USP6NL: variants seen among roughly 807,000 people sequenced by gnomAD.
The protein encoded by USP6NL is USP6 N-terminal-like protein.
USP6NL carries 26 observed loss-of-function variants against 61.9 expected under a neutral mutation model. The ratio of observed to expected loss-of-function variants is 0.42; its 90% CI spans 0.31 to 0.58. The LOEUF (loss-of-function observed/expected upper bound fraction) is 0.58, where lower values mean the gene tolerates loss of function less well. Among genes scored for constraint, USP6NL ranks in the 20% least tolerant of loss-of-function variants. USP6NL has a pLI of 0.16. For synonymous variants in USP6NL, 432 were observed against 390.1 expected, an observed-to-expected ratio of 1.11 and a Z score of -1.27; for missense variants, 1,114 against 1,034.3, an observed-to-expected ratio of 1.08 and a Z score of -1.06.
Position 11,561,998 on chromosome 10 carries a change from A to G in USP6NL, c.5-34431T>C, listed in dbSNP as rs547986067. Among the ~76,000 whole-genome samples, 50 of 151,874 alleles carry G rather than the reference A, an allele frequency of 3.3e-4. No homozygotes were observed. The highest frequency in any genetic ancestry group is 3.4e-3 in the Middle Eastern group (1 of 294). On this transcript the variant is annotated intron_variant, in intron 2 of 14. Coordinates refer to ENST00000609104, the MANE Select transcript of USP6NL (RefSeq NM_014688.5). The surrounding 1 kb of genome is among the most constrained non-coding windows in gnomAD (Gnocchi z 4.1). ...CTTTTTAAGCAAGGATGTTCTGAGT[A>G]AAAAAAAGAAATTTGCTCATGCCTG...
At chr10:11,483,574 GAGAGGAAGAGA>G (rs1833308053) in intron 13 of USP6NL, among the ~76,000 whole-genome samples, 1 of 48,488 alleles carries the variant, frequency 2.1e-5, no homozygotes, top group Non-Finnish European at 4.2e-5. Flanking sequence ...GAGGCAGGGA[GAGAGGAAGAGA>G]GGGAGAGAGG....
In USP6NL at chr10:11,548,467, T is replaced by A; in HGVS notation, c.5-20900A>T. ...ACAGAGCTTGACATTTTATTATTTT[T>A]AATTAACTCATTTTCCATTTTGGTC... On this transcript the variant is annotated intron_variant, in intron 2 of 14. Transcript: ENST00000609104. This position sits in a 1 kb window ranked among gnomAD's most constrained non-coding sequence, Gnocchi z 4.3. Among the ~76,000 whole-genome samples the A allele has an allele frequency of 6.6e-6, 1 of 152,328 alleles. No individual in the cohort carries two copies. Among genetic ancestry groups the A allele is most frequent in the Non-Finnish European group, 1.5e-5 (1 of 68,030 alleles).
Position 11,463,886 on chromosome 10 carries a change from C to A in USP6NL, c.1079-37G>T, listed in dbSNP as rs770676205. Reference sequence around the variant, plus strand: ...GAGAAAGGCTAAGTAAGATAATACACGAGTAAACAGTAGCCAGTTGAAGCA... The same window carrying A: ...GAGAAAGGCTAAGTAAGATAATACAAGAGTAAACAGTAGCCAGTTGAAGCA... On this transcript the variant is annotated intron_variant, in intron 14 of 14. Transcript: ENST00000609104. The surrounding 1 kb of genome is among the most constrained non-coding windows in gnomAD (Gnocchi z 6.3). 5 of 1,450,988 alleles carry A rather than the reference C, an allele frequency of 3.4e-6. No homozygotes were observed. In the East Asian group the frequency reaches 1.0e-4, roughly 29 times the overall value. The allele number at this position is 1,450,988 out of a possible 1,614,324, so 89.9% of individuals were successfully genotyped here.
Position 11,579,595 on chromosome 10 carries a change from T to C in USP6NL, c.4+18036A>G, listed in dbSNP as rs72777670. Among the ~76,000 whole-genome samples the C allele has an allele frequency of 3.0e-3, 453 of 152,296 alleles. 1 individual carries two copies. The highest frequency in any genetic ancestry group is 3.7e-3 in the Non-Finnish European group (253 of 68,028). ...GATTTTCAAGACCTAATTTTTGTTATCTCCTTAAAGAGGTCTTCCCAATCT... is the reference window on the plus strand; with the variant it reads ...GATTTTCAAGACCTAATTTTTGTTACCTCCTTAAAGAGGTCTTCCCAATCT... On this transcript the variant is annotated intron_variant, in intron 2 of 14. Transcript: ENST00000609104.
rs1219074226 is a variant in USP6NL at position 11,468,459 on chromosome 10, T to C, written c.1079-4610A>G. Among the ~76,000 whole-genome samples, 1 of 152,226 alleles carries C rather than the reference T, an allele frequency of 6.6e-6. No individual in the cohort carries two copies. On this transcript the variant is annotated intron_variant, in intron 14 of 14. Transcript: ENST00000609104. This position sits in a 1 kb window ranked among gnomAD's most constrained non-coding sequence, Gnocchi z 4.5. ...TGGAAGCGAAACACTACTGGACTAC[T>C]GCCTACACCCCTCACTCAGAGGAGT...
At chr10:11,509,989 T>A (rs1043283088) in intron 5 of USP6NL, among the ~76,000 whole-genome samples, 1 of 151,960 alleles carries the variant, frequency 6.6e-6, no homozygotes, top group Non-Finnish European at 1.5e-5. Flanking sequence ...TGAAATATTT[T>A]ACAAAGCAAC....
intron 6 of USP6NL, among the ~76,000 whole-genome samples, chr10:11,507,782 T>C (rs188586665): frequency 2.6e-5 from 4 of 152,334 alleles, no homozygotes; most frequent in Admixed American, 2.6e-4. Context: ...ACTAAACGCC[T>C]GGCACTATTC....
Position 11,568,885 on chromosome 10 carries a change from G to T in USP6NL, c.4+28746C>A, listed in dbSNP as rs150000743. Among the ~76,000 whole-genome samples the T allele has an allele frequency of 3.6e-4, 55 of 152,286 alleles. No homozygotes were observed. The South Asian group carries it at 0.011, about 31-fold the overall frequency. ...AAACCTTTCCAGAAATCCTCAGCAG[G>T]CTTTTGCTTACATCTTAAGAAAGAG... On this transcript the variant is annotated intron_variant, in intron 2 of 14. Transcript: ENST00000609104.
At chr10:11,473,281 T>C (rs1235976486) in intron 14 of USP6NL, among the ~76,000 whole-genome samples, 1 of 152,206 alleles carries the variant, frequency 6.6e-6, no homozygotes, top group Non-Finnish European at 1.5e-5. Flanking sequence ...TATTAGGTGC[T>C]GGTGAGGCAG....
intron 3 of USP6NL, among the ~76,000 whole-genome samples, chr10:11,526,860 CATAAGG>C (rs959224360): frequency 9.2e-5 from 14 of 152,038 alleles, no homozygotes; most frequent in African/African-American, 3.4e-4. Context: ...TCCATACCAA[CATAAGG>C]ATAAAACGTT....
rs1385455970 is a variant in USP6NL at position 11,511,691 on chromosome 10, T to C, written c.196-2016A>G. On this transcript the variant is annotated intron_variant, in intron 5 of 14. Transcript: ENST00000609104. The surrounding 1 kb of genome is among the most constrained non-coding windows in gnomAD (Gnocchi z 4.9). Reference sequence around the variant, plus strand: ...CACTTTTGAATTCTAATGCTTATCATATATACAGATTATTTTAAATGCTAT... The same window carrying C: ...CACTTTTGAATTCTAATGCTTATCACATATACAGATTATTTTAAATGCTAT... Among the ~76,000 whole-genome samples the C allele has an allele frequency of 6.6e-6, 1 of 152,128 alleles. No homozygotes were observed. The highest frequency in any genetic ancestry group is 1.5e-5 in the Non-Finnish European group (1 of 68,014).
At position 11,561,420 on chromosome 10, in the gene USP6NL, C is replaced by T. The variant is rs1302736138; in HGVS notation, c.5-33853G>A. Among the ~76,000 whole-genome samples the T allele has an allele frequency of 2.0e-5, 3 of 152,214 alleles. No individual in the cohort carries two copies. The highest frequency in any genetic ancestry group is 2.9e-5 in the Non-Finnish European group (2 of 68,038). ...CATACACAGGATACACATGTGCATA[C>T]GTGCACAAGAACATATACGAACACA... On this transcript the variant is annotated intron_variant, in intron 2 of 14. Transcript: ENST00000609104. This position sits in a 1 kb window ranked among gnomAD's most constrained non-coding sequence, Gnocchi z 4.1.
At position 11,485,961 on chromosome 10, in the gene USP6NL, C is replaced by T. The variant is rs1297333139; in HGVS notation, c.665-50G>A. ...ATTTCATAAACAATACCAACAAAAC[C>T]CTCCAATCTTAAAACACAACATATT... On this transcript the variant is annotated intron_variant, in intron 10 of 14. Coordinates refer to ENST00000609104, the MANE Select transcript of USP6NL (RefSeq NM_014688.5). This position sits in a 1 kb window ranked among gnomAD's most constrained non-coding sequence, Gnocchi z 4.8. 8.1e-7 allele frequency: 1 copy of T among 1,235,260 alleles called. No individual in the cohort carries two copies. The allele number at this position is 1,235,260 out of a possible 1,614,324, so 76.5% of individuals were successfully genotyped here.
chr10:11,550,564 C>G (rs1836443529), intron 2 of USP6NL, among the ~76,000 whole-genome samples: 1 of 151,774 alleles, frequency 6.6e-6, no homozygotes. Context: ...AAGACCAGCC[C>G]AGCCAACATG....
At chr10:11,534,938 T>C (rs1039833338) in intron 2 of USP6NL, among the ~76,000 whole-genome samples, 1 of 152,190 alleles carries the variant, frequency 6.6e-6, no homozygotes, top group African/African-American at 2.4e-5. Context: ...GAAGCAATCA[T>C]TGTTAGCTGC....
intron 2 of USP6NL, among the ~76,000 whole-genome samples, chr10:11,582,954 T>A (rs1048363237): frequency 2.0e-5 from 3 of 149,202 alleles, no homozygotes; most frequent in Non-Finnish European, 3.0e-5. Context: ...AGAGGTACCA[T>A]GCGAATTGCT....
chr10:11,463,701 G>A lies in USP6NL; in HGVS notation c.1227C>T (p.His409=). 6.2e-7 allele frequency: 1 copy of A among 1,612,840 alleles called. No homozygotes were observed. The highest frequency in any genetic ancestry group is 1.3e-5 in the African/African-American group (1 of 74,984). Residue 409 remains histidine (H), a synonymous_variant, in exon 15 of 15, where the codon CAC becomes CAT. Coordinates refer to ENST00000609104, the MANE Select transcript of USP6NL (RefSeq NM_014688.5). The surrounding 1 kb of genome is among the most constrained non-coding windows in gnomAD (Gnocchi z 6.3). The part of the protein sequence containing the change: ...ASGRRESGAP[H]RRHEHSPHPQ... ...GGTGCGGGGAGTGCTCGTGCCTCCTGTGGGGCGCCCCGCTCTCCCTCCTGC... is the reference window on the plus strand; with the variant it reads ...GGTGCGGGGAGTGCTCGTGCCTCCTATGGGGCGCCCCGCTCTCCCTCCTGC...
chr10:11,527,291 A>G lies in USP6NL; in HGVS notation c.72+209T>C, dbSNP rs1014884633. Among the ~76,000 whole-genome samples the G allele has an allele frequency of 6.6e-5, 10 of 152,222 alleles. 1 individual carries two copies. Among genetic ancestry groups the G allele is most frequent in the African/African-American group, 2.4e-4 (10 of 41,458 alleles). On this transcript the variant is annotated intron_variant, in intron 3 of 14. Coordinates refer to ENST00000609104, the MANE Select transcript of USP6NL (RefSeq NM_014688.5). ...GTGCAAAGGCCCTGAGGCAGGAGCAAGTCTGGTGTGCTGGAGGAATAGCAA... is the reference window on the plus strand; with the variant it reads ...GTGCAAAGGCCCTGAGGCAGGAGCAGGTCTGGTGTGCTGGAGGAATAGCAA...
At chr10:11,555,648 T>C (rs1836683472) in intron 2 of USP6NL, among the ~76,000 whole-genome samples, 1 of 151,060 alleles carries the variant, frequency 6.6e-6, no homozygotes, top group Admixed American at 6.6e-5. Flanking sequence ...GAAGGGGAAC[T>C]CACCAGTTCA....
Sources: gnomAD v4.1 joint callset for allele counts (sites outside exome capture counted in the v4.1 genomes callset) on GRCh38, gnomAD v4.1.1 for gene constraint, Gnocchi (gnomAD v3.1) non-coding constraint, MANE v1.5 for transcripts, NCBI Gene and HGNC (gene_info 2026-07-23, HGNC 2026-07-21) for gene names.